RNF150: variants seen among roughly 807,000 people sequenced by gnomAD.
The protein encoded by RNF150 is ring finger protein 150.
Under a neutral mutation model 39.3 loss-of-function variants are expected in RNF150, and 24 were observed. The observed-to-expected ratio is 0.61, with a 90% CI of 0.44 to 0.86. The LOEUF is 0.86. Ranked by LOEUF, RNF150 falls within the 40% of genes least tolerant of loss-of-function variation. RNF150 has a pLI of 0.00. For synonymous variants in RNF150, 255 were observed against 227.3 expected (o/e 1.12, Z -1.10); for missense variants, 502 against 587.8 (o/e 0.85, Z 1.51).
rs370379364 is a variant in RNF150 at position 140,865,528 on chromosome 4, C to G, written c.*2733G>C. Reference sequence around the variant, plus strand: ...GTTCCCCTTTCTTCTGAAAGAGAAACTTTCTGGTTAAGCTTTTTTTTTTTC... The same window carrying G: ...GTTCCCCTTTCTTCTGAAAGAGAAAGTTTCTGGTTAAGCTTTTTTTTTTTC... On this transcript the variant is annotated 3_prime_UTR_variant, in exon 7 of 7. Coordinates refer to ENST00000515673, the MANE Select transcript of RNF150 (RefSeq NM_020724.2). 1 of 148,344 alleles carries G rather than the reference C, an allele frequency of 6.7e-6. No homozygotes were observed. The highest frequency in any genetic ancestry group is 2.5e-5 in the African/African-American group (1 of 40,320). The allele number at this position is 148,344 out of a possible 1,614,324, so 9.2% of individuals were successfully genotyped here.
intron 1 of RNF150, among the ~76,000 whole-genome samples, chr4:141,195,796 G>A (rs1728192395): frequency 6.6e-6 from 1 of 152,142 alleles, no homozygotes; most frequent in Admixed American, 6.5e-5. Flanking sequence ...AAAGAGACTT[G>A]ATTATTGTTC....
At position 141,132,076 on chromosome 4, in the gene RNF150, T is replaced by C. The variant is rs1027586067; in HGVS notation, c.484+249A>G. ...CCCTCGGAAAAGTTAGCCCGCCACGTTGAACCCCTGTCCAAGCGGCGCTAT... is the reference window on the plus strand; with the variant it reads ...CCCTCGGAAAAGTTAGCCCGCCACGCTGAACCCCTGTCCAAGCGGCGCTAT... On this transcript the variant is annotated intron_variant, in intron 1 of 6. Transcript: ENST00000515673. The surrounding 1 kb of genome is among the most constrained non-coding windows in gnomAD (Gnocchi z 4.9). 6.6e-6 allele frequency among the ~76,000 whole-genome samples: 1 copy of C among 152,146 alleles called. No homozygotes were observed. Among genetic ancestry groups the C allele is most frequent in the Non-Finnish European group, 1.5e-5 (1 of 68,028 alleles).
At chr4:141,070,278 T>C (rs371948496) in intron 1 of RNF150, among the ~76,000 whole-genome samples, 4 of 139,402 alleles carry the variant, frequency 2.9e-5, no homozygotes, top group Non-Finnish European at 4.7e-5. Context: ...CATAAAAACC[T>C]TAGAAGAAAA....
intron 6 of RNF150, among the ~76,000 whole-genome samples, chr4:140,888,152 C>G (rs901697632): frequency 3.9e-5 from 6 of 152,102 alleles, no homozygotes; most frequent in Non-Finnish European, 8.8e-5. Context: ...GCATAATTCA[C>G]CTTTAGTTGG....
intron 6 of RNF150, among the ~76,000 whole-genome samples, chr4:140,871,907 A>G (rs1360491829): frequency 2.6e-5 from 4 of 152,228 alleles, no homozygotes; most frequent in African/African-American, 9.6e-5. Flanking sequence ...TATACAGTGC[A>G]AGGCAAAGGT....
intron 1 of RNF150, among the ~76,000 whole-genome samples, chr4:141,095,609 C>T (rs1296694206): frequency 6.6e-6 from 1 of 152,246 alleles, no homozygotes; most frequent in African/African-American, 2.4e-5. Context: ...TGGTTGCATA[C>T]AATTTGCATA....
intron 1 of RNF150, among the ~76,000 whole-genome samples, chr4:141,080,320 T>C (rs1012076212): frequency 6.6e-6 from 1 of 152,212 alleles, no homozygotes; most frequent in African/African-American, 2.4e-5. Flanking sequence ...ATTTTGTTTG[T>C]ATTTTTTACA....
Position 141,133,023 on chromosome 4 carries a change from G to A in RNF150, c.-215C>T. Reference sequence around the variant, plus strand: ...CTTCCCCTCTCAGCTGTAGCGCGGTGGTTGCATTTTGCTTCTTGGGCGCCC... The same window carrying A: ...CTTCCCCTCTCAGCTGTAGCGCGGTAGTTGCATTTTGCTTCTTGGGCGCCC... On this transcript the variant is annotated 5_prime_UTR_variant, in exon 1 of 7. Transcript: ENST00000515673. The A allele has an allele frequency of 2.0e-6, 1 of 490,006 alleles. No individual in the cohort carries two copies. Among genetic ancestry groups the A allele is most frequent in the Non-Finnish European group, 3.6e-6 (1 of 279,514 alleles). The allele number at this position is 490,006 out of a possible 1,614,324, so 30.4% of individuals were successfully genotyped here.
chr4:141,021,381 G>GA (rs138511372), intron 1 of RNF150, among the ~76,000 whole-genome samples: 2 of 151,664 alleles, frequency 1.3e-5, no homozygotes, highest in African/African-American at 4.8e-5. Flanking sequence ...GTACCAAACG[G>GA]AAAAAAAACA....
At chr4:141,138,801 A>G (rs1329567547) in intron 1 of RNF150, among the ~76,000 whole-genome samples, 1 of 152,196 alleles carries the variant, frequency 6.6e-6, no homozygotes, top group East Asian at 1.9e-4. Flanking sequence ...GAAGATTCCA[A>G]AGGACATATA....
chr4:140,923,316 G>A (rs953082823), intron 5 of RNF150, among the ~76,000 whole-genome samples: 2 of 152,342 alleles, frequency 1.3e-5, no homozygotes, highest in Admixed American at 6.5e-5. Context: ...CAAAGGATAT[G>A]AACAGAGACT....
At chr4:141,186,587 A>G (rs1351067151) in intron 1 of RNF150, among the ~76,000 whole-genome samples, 1 of 146,192 alleles carries the variant, frequency 6.8e-6, no homozygotes, top group East Asian at 2.0e-4. Flanking sequence ...TTTTTTTTTT[A>G]GTAGAGACAG....
chr4:141,068,463 CT>C (rs1737551564), intron 1 of RNF150, among the ~76,000 whole-genome samples: 2 of 151,998 alleles, frequency 1.3e-5, no homozygotes. Context: ...TTACTGTAGC[CT>C]TGTAGTATAG....
chr4:141,186,218 T>A (rs978220493), intron 1 of RNF150, among the ~76,000 whole-genome samples: 3 of 152,196 alleles, frequency 2.0e-5, no homozygotes, highest in Non-Finnish European at 4.4e-5. Context: ...AACTTGCTAC[T>A]GGTGTATTCA....
chr4:140,989,423 A>G (rs1243452406), intron 1 of RNF150, among the ~76,000 whole-genome samples: 1 of 152,136 alleles, frequency 6.6e-6, no homozygotes, highest in Non-Finnish European at 1.5e-5. Context: ...GAGCTGGCCA[A>G]AAAGCACTCC....
intron 2 of RNF150, among the ~76,000 whole-genome samples, chr4:140,958,751 C>T (rs922457932): frequency 2.6e-5 from 4 of 152,182 alleles, no homozygotes; most frequent in African/African-American, 7.2e-5. Flanking sequence ...GAAGTCCACA[C>T]ACTGGTGGCA....
At chr4:141,028,953 CA>C (rs1368086438) in intron 1 of RNF150, among the ~76,000 whole-genome samples, 1 of 152,032 alleles carries the variant, frequency 6.6e-6, no homozygotes, top group African/African-American at 2.4e-5. Context: ...CTATATTTAC[CA>C]AAACCAACAT....
chr4:141,128,856 A>G (rs569943469), intron 1 of RNF150, among the ~76,000 whole-genome samples: 2 of 152,366 alleles, frequency 1.3e-5, no homozygotes, highest in Admixed American at 1.3e-4. Flanking sequence ...TAGCAGAAAA[A>G]AACAAGACTA....
chr4:141,157,222 C>A (rs151241637), intron 1 of RNF150, among the ~76,000 whole-genome samples: 19 of 152,252 alleles, frequency 1.2e-4, no homozygotes, highest in Admixed American at 5.2e-4. Flanking sequence ...ATCTCCCCCC[C>A]CAAAAATGTA....
Sources: gnomAD v4.1 joint callset for allele counts (sites outside exome capture counted in the v4.1 genomes callset) on GRCh38, gnomAD v4.1.1 for gene constraint, Gnocchi (gnomAD v3.1) non-coding constraint, MANE v1.5 for transcripts, NCBI Gene and HGNC (gene_info 2026-07-23, HGNC 2026-07-21) for gene names.